CDHR2: variants seen among roughly 807,000 people sequenced by gnomAD.
CDHR2 encodes the protein cadherin-related family member 2.
CDHR2 carries 104 observed loss-of-function variants against 138.6 expected under a neutral mutation model. The ratio of observed to expected loss-of-function variants is 0.75; its 90% confidence interval spans 0.64 to 0.88. CDHR2 has a LOEUF of 0.88. CDHR2 is among the 40% of genes least tolerant of loss of function. The pLI, the probability that CDHR2 is intolerant of heterozygous loss-of-function variation, is 0.00. For synonymous variants in CDHR2, 755 were observed against 742.8 expected, an observed-to-expected ratio of 1.02 and a Z score of -0.27; for missense variants, 1,624 against 1,727.6, an observed-to-expected ratio of 0.94 and a Z score of 1.06.
In CDHR2 at chr5:176,584,949, G is replaced by A; in HGVS notation, c.2668G>A (p.Val890Ile). 6.3e-7 allele frequency: 1 copy of A among 1,580,078 alleles called. No individual in the cohort carries two copies. Among genetic ancestry groups the A allele is most frequent in the African/African-American group, 1.4e-5 (1 of 74,022 alleles). Residue 890 changes from valine (V) to isoleucine (I), a missense_variant, in exon 19 of 32, where the codon GTC becomes ATC. Transcript: ENST00000261944. ...CATCGACTACGAGGCCTGTGACCTG[G>A]TCACGCTGGTTGTGCGGGCCTGTGA... ...KAIDYEACDL[V>I]TLVVRACDLA...
chr5:176,569,022 G>C lies in CDHR2; in HGVS notation c.315+12G>C. On this transcript the variant is annotated intron_variant, in intron 5 of 31. Coordinates refer to ENST00000261944, the MANE Select transcript of CDHR2 (RefSeq NM_017675.6). The stretch of plus-strand genomic sequence containing the variant: ...ACCCCTACATCCAGGTGAGTTGGGA[G>C]GTGCAGGGGGGTAGACAGGGATTGC... The C allele has an allele frequency of 6.2e-7, 1 of 1,613,926 alleles. No individual in the cohort carries two copies. The highest frequency in any genetic ancestry group is 8.5e-7 in the Non-Finnish European group (1 of 1,179,846).
chr5:176,584,648 G>A lies in CDHR2; in HGVS notation c.2367G>A (p.Glu789=). Residue 789 remains glutamate (E), a synonymous_variant, in exon 19 of 32, where the codon GAG becomes GAA. Coordinates refer to ENST00000261944, the MANE Select transcript of CDHR2 (RefSeq NM_017675.6). ...AGAACCCAGACCCCCAGGGGGGTGAGACCATAGTAGACGTCTGCGTGAATG... is the reference window on the plus strand; with the variant it reads ...AGAACCCAGACCCCCAGGGGGGTGAAACCATAGTAGACGTCTGCGTGAATG... ...SAENPDPQGG[E]TIVDVCVNVK... 6.2e-7 allele frequency: 1 copy of A among 1,613,466 alleles called. No homozygotes were observed. The highest frequency in any genetic ancestry group is 8.5e-7 in the Non-Finnish European group (1 of 1,179,560).
chr5:176,571,061 AAAAAAAAG>A, intron 5 of CDHR2, 144 bp from the exon 6 acceptor site: 1 of 370,464 alleles, frequency 2.7e-6, no homozygotes, highest in Non-Finnish European at 4.6e-6. Context: ...AAAAAAAAAA[AAAAAAAAG>A]CCCCCAAAAA....
rs368230692 is a variant in CDHR2 at position 176,565,325 on chromosome 5, C to A, written c.-15-13C>A. 9 of 1,606,986 alleles carry A rather than the reference C, an allele frequency of 5.6e-6. No individual in the cohort carries two copies. Among genetic ancestry groups the A allele is most frequent in the Non-Finnish European group, 7.7e-6 (9 of 1,173,578 alleles). On this transcript the variant is annotated splice_polypyrimidine_tract_variant and intron_variant, in intron 1 of 31. Coordinates refer to ENST00000261944, the MANE Select transcript of CDHR2 (RefSeq NM_017675.6). ...CCTGAGTCCAGGAGCCATTCCCTGA[C>A]CTCTTCCCTTAGGTCCCTGCGGATG...
intron 1 of CDHR2, among the ~76,000 whole-genome samples, chr5:176,564,014 T>C (rs2113275900): frequency 6.6e-6 from 1 of 152,122 alleles, no homozygotes; most frequent in African/African-American, 2.4e-5. Flanking sequence ...TGAAACACTG[T>C]CTCAAAAGAA....
At chr5:176,574,054 G>A (rs1338503005) in intron 6 of CDHR2, 29 bp from the exon 7 acceptor site, 6 of 1,567,216 alleles carry the variant, frequency 3.8e-6, no homozygotes, top group Non-Finnish European at 5.3e-6. Context: ...CTGGATTTGA[G>A]CTCATAGGTG....
intron 5 of CDHR2, among the ~76,000 whole-genome samples, chr5:176,569,785 C>T (rs954292578): frequency 2.6e-5 from 4 of 151,788 alleles, no homozygotes; most frequent in African/African-American, 7.3e-5. Flanking sequence ...ATGGAGAAAC[C>T]CCCATCTCTA....
In CDHR2 at chr5:176,590,703, C is replaced by A; in HGVS notation, c.3539+16C>A. ...TGCGGAAGAGGTGCGGCTCCCATTG[C>A]CCCCGTGTCTCCAACCTTCACCCTC... is the stretch of plus-strand genomic sequence containing the variant. On this transcript the variant is annotated intron_variant, in intron 28 of 31. Coordinates refer to ENST00000261944, the MANE Select transcript of CDHR2 (RefSeq NM_017675.6). 6.2e-7 allele frequency: 1 copy of A among 1,612,310 alleles called. No individual in the cohort carries two copies.
chr5:176,548,838 G>A (rs1220189715), upstream of CDHR2, among the ~76,000 whole-genome samples: 1 of 152,162 alleles, frequency 6.6e-6, no homozygotes, highest in African/African-American at 2.4e-5. Context: ...AATGCGGGGT[G>A]AGATCAGTGT....
chr5:176,543,500 G>A lies in CDHR2; in HGVS notation c.-16+731G>A, dbSNP rs1413073762. 6.6e-6 allele frequency: 1 copy of A among 152,096 alleles called. No homozygotes were observed. Among genetic ancestry groups the A allele is most frequent in the Non-Finnish European group, 1.5e-5 (1 of 68,010 alleles). 9.4% of individuals were successfully genotyped at this position (152,096 alleles called of 1,614,324 possible). ...TGGAGCTGCCTGGACCGCACCACGC[G>A]TGCGGGGCGGAGCCTCTTTCGGCCG... On this transcript the variant is annotated intron_variant, in intron 1 of 31. Coordinates refer to the CDHR2 transcript ENST00000510636. This position sits in a 1 kb window ranked among gnomAD's most constrained non-coding sequence, Gnocchi z 4.0.
intron 16 of CDHR2, among the ~76,000 whole-genome samples, chr5:176,579,089 G>T (rs1047954452): frequency 9.2e-5 from 14 of 152,184 alleles, no homozygotes; most frequent in African/African-American, 3.4e-4. Flanking sequence ...GAGATCAGTG[G>T]CCAGGTTCAC....
rs201087188 is a variant in CDHR2 at position 176,590,307 on chromosome 5, C to G, written c.3330C>G (p.Ala1110=). Residue 1110 remains alanine (A), a synonymous_variant, in exon 26 of 32, where the codon GCC becomes GCG. Coordinates refer to ENST00000261944, the MANE Select transcript of CDHR2 (RefSeq NM_017675.6). The stretch of plus-strand genomic sequence containing the variant: ...ACTTTGTCTTCCCCAATGGGTCAGC[C>G]CTGACCCTTGATGAGCTGAGTGTGT... ...DAYFVFPNGS[A]LTLDELSVMI... 99 of 1,614,054 alleles carry G rather than the reference C, an allele frequency of 6.1e-5. No homozygotes were observed. The highest frequency in any genetic ancestry group is 8.1e-5 in the Non-Finnish European group (95 of 1,180,036).
At chr5:176,572,624 A>G (rs1194808896) in intron 6 of CDHR2, among the ~76,000 whole-genome samples, 1 of 152,144 alleles carries the variant, frequency 6.6e-6, no homozygotes, top group Non-Finnish European at 1.5e-5. Context: ...GAGTGGGGAC[A>G]GTTCCACTTA....
chr5:176,575,643 G>T (rs974121000), intron 10 of CDHR2, 62 bp downstream of exon 10: 3 of 1,602,348 alleles, frequency 1.9e-6, no homozygotes, highest in Non-Finnish European at 2.6e-6. Context: ...CTCCGTCAGA[G>T]TCCCTGGAGG....
At position 176,585,980 on chromosome 5, in the gene CDHR2, G is replaced by A. The variant is rs750406157; in HGVS notation, c.2761G>A (p.Val921Met). ...AAGCCTCCTCATTACCATTGAGGAC[G>A]TGAATGACAATGCACCCTATTTTCT... ...NGSLLITIED[V>M]NDNAPYFLPE... Residue 921 changes from valine (V) to methionine (M), a missense_variant, in exon 20 of 32, where the codon GTG becomes ATG. Coordinates refer to ENST00000261944, the MANE Select transcript of CDHR2 (RefSeq NM_017675.6). 6.2e-6 allele frequency: 10 copies of A among 1,613,964 alleles called. No homozygotes were observed. Among genetic ancestry groups the A allele is most frequent in the Admixed American group, 1.7e-5 (1 of 60,006 alleles).
At chr5:176,548,096 C>T (rs761603686), upstream of CDHR2, among the ~76,000 whole-genome samples, 7 of 152,162 alleles carry the variant, frequency 4.6e-5, no homozygotes, top group East Asian at 1.9e-4. Context: ...GGGACTGTAC[C>T]GCACGCTGCA....
rs187943318 is a variant in CDHR2 at position 176,570,835 on chromosome 5, C to T, written c.316-378C>T. ...GTGTGGTGGTGCATGTCTGTAATCC[C>T]AGCTACTCAGGAGGCTGAGGCAGGA... On this transcript the variant is annotated intron_variant, in intron 5 of 31. Coordinates refer to ENST00000261944, the MANE Select transcript of CDHR2 (RefSeq NM_017675.6). Among the ~76,000 whole-genome samples, 700 of 151,832 alleles carry T rather than the reference C, an allele frequency of 4.6e-3. 2 individuals are homozygous for T. The highest frequency in any genetic ancestry group is 0.015 in the African/African-American group (630 of 41,378).
exon 1 of CDHR2, chr5:176,542,559 G>A (rs1222465331): frequency 2.0e-5 from 3 of 152,218 alleles, no homozygotes; most frequent in African/African-American, 7.2e-5. Flanking sequence ...ACCGAGGGCT[G>A]CAGGAGTGCG....
chr5:176,565,504 C>A, intron 2 of CDHR2, 100 bp downstream of exon 2: 1 of 1,338,666 alleles, frequency 7.5e-7, no homozygotes, highest in Non-Finnish European at 1.1e-6. Flanking sequence ...ACACCAGCTC[C>A]TATGGGCCAG....
Sources: allele counts gnomAD v4.1 joint callset (sites outside exome capture counted in the v4.1 genomes callset), GRCh38; gene constraint gnomAD v4.1.1; non-coding constraint Gnocchi (gnomAD v3.1); transcripts MANE v1.5; gene names NCBI Gene and HGNC (gene_info 2026-07-23, HGNC 2026-07-21).